SPON2: variants seen among roughly 807,000 people sequenced by gnomAD.
SPON2 encodes spondin-2.
A neutral mutation model predicts 29.9 loss-of-function variants in SPON2; 32 were observed. That is an observed-to-expected ratio of 1.07 (90% CI 0.81 to 1.44). The LOEUF (loss-of-function observed/expected upper bound fraction) is 1.44. Ranked by LOEUF, SPON2 falls within the 40% of genes most tolerant of loss-of-function variation. SPON2 has a pLI of 0.00. For synonymous variants in SPON2, 248 were observed against 209.1 expected (o/e 1.19, Z -1.61); for missense variants, 541 against 455.5 (o/e 1.19, Z -1.71).
intron 1 of SPON2, among the ~76,000 whole-genome samples, chr4:1,194,145 G>A (rs965885516): frequency 3.5e-4 from 53 of 152,236 alleles, no homozygotes; most frequent in African/African-American, 1.2e-3. Flanking sequence ...AGCAGGCAGT[G>A]CCTATGGGGA....
At chr4:1,191,009 A>G (rs1347314980) in intron 1 of SPON2, among the ~76,000 whole-genome samples, 2 of 152,204 alleles carry the variant, frequency 1.3e-5, no homozygotes, top group Admixed American at 1.3e-4. Context: ...AATATTGTTA[A>G]GACAGCAATA....
At chr4:1,205,879 T>C (rs1728327880) in intron 1 of SPON2, among the ~76,000 whole-genome samples, 1 of 152,148 alleles carries the variant, frequency 6.6e-6, no homozygotes, top group Non-Finnish European at 1.5e-5. Flanking sequence ...GAGGGGCCTC[T>C]GAGACCTCCT....
At chr4:1,186,073 T>C (rs1478264262) in intron 1 of SPON2, among the ~76,000 whole-genome samples, 3 of 141,678 alleles carry the variant, frequency 2.1e-5, no homozygotes, top group Non-Finnish European at 4.8e-5. Context: ...TGAAACCCCA[T>C]CTCTACTAAA....
At chr4:1,193,405 G>C (rs1012651457) in intron 1 of SPON2, among the ~76,000 whole-genome samples, 1 of 133,360 alleles carries the variant, frequency 7.5e-6, no homozygotes, top group South Asian at 2.4e-4. Flanking sequence ...CCTCTCTCCA[G>C]AGCCCCCCCA....
chr4:1,208,191 C>T (rs1458708972), upstream of SPON2: 3 of 152,454 alleles, frequency 2.0e-5, no homozygotes, highest in East Asian at 3.9e-4. Context: ...TCCAGCTGGG[C>T]TCTGGCTGAG....
At chr4:1,192,232 C>T (rs911574478) in intron 1 of SPON2, among the ~76,000 whole-genome samples, 5 of 152,172 alleles carry the variant, frequency 3.3e-5, no homozygotes, top group Non-Finnish European at 5.9e-5. Flanking sequence ...AGAGATAATC[C>T]CTTTCCTCGT....
upstream of SPON2, chr4:1,197,145 G>GA (rs1307398086): frequency 1.3e-5 from 2 of 152,226 alleles, no homozygotes; most frequent in Non-Finnish European, 2.9e-5. Flanking sequence ...AGTGGCAACA[G>GA]AAAAATGCAG....
chr4:1,205,304 C>G (rs533396753), intron 1 of SPON2, among the ~76,000 whole-genome samples: 1 of 152,156 alleles, frequency 6.6e-6, no homozygotes, highest in Non-Finnish European at 1.5e-5. Flanking sequence ...CAGGAGGTGG[C>G]GCTGGCTGAG....
intron 5 of SPON2, 35 bp from the exon 6 acceptor site, chr4:1,167,691 T>C (rs528153307): frequency 1.9e-6 from 3 of 1,548,372 alleles, no homozygotes; most frequent in Non-Finnish European, 2.6e-6. Flanking sequence ...AGGTGAACGC[T>C]CGCGTGAAGA....
Position 1,167,552 on chromosome 4 carries a change from G to T in SPON2, c.916C>A (p.Arg306=). The T allele has an allele frequency of 6.2e-7, 1 of 1,613,610 alleles. No homozygotes were observed. The highest frequency in any genetic ancestry group is 8.5e-7 in the Non-Finnish European group (1 of 1,180,014). Residue 306 remains arginine (R), a synonymous_variant, in exon 6 of 6, where the codon CGG becomes AGG. Transcript: ENST00000290902. ...CTCCCGTTGTTGGCGGGCTGGACCC[G>T]GACGTAGCGAGTCCTGCTCTTGGTC... ...LGTKSRTRYV[R]VQPANNGSPC...
At chr4:1,195,718 C>T (rs1280548294), upstream of SPON2, among the ~76,000 whole-genome samples, 1 of 151,958 alleles carries the variant, frequency 6.6e-6, no homozygotes, top group Non-Finnish European at 1.5e-5. Context: ...AGACCCCCCA[C>T]CCCGGAGACC....
intron 1 of SPON2, among the ~76,000 whole-genome samples, chr4:1,183,240 C>CAA (rs71168813): frequency 0.018 from 2,306 of 128,834 alleles, 34 homozygotes; most frequent in African/African-American, 0.029. Context: ...GAAACTCCAT[C>CAA]AAAAAAAAAA....
chr4:1,176,659 TCA>T (rs751028395), upstream of SPON2, among the ~76,000 whole-genome samples: 4 of 152,078 alleles, frequency 2.6e-5, no homozygotes, highest in Non-Finnish European at 5.9e-5. Flanking sequence ...ACTAATTCAC[TCA>T]CACAGTACAT....
At chr4:1,182,677 T>C (rs1478041167) in intron 1 of SPON2, among the ~76,000 whole-genome samples, 1 of 152,162 alleles carries the variant, frequency 6.6e-6, no homozygotes. Flanking sequence ...GAAGAAATAA[T>C]AGTTTAAAAT....
rs1284348427 is a variant in SPON2, at chr4:1,171,393, G to T, written c.314C>A (p.Ala105Glu). The T allele has an allele frequency of 1.2e-6, 2 of 1,612,238 alleles. No individual in the cohort carries two copies. The highest frequency in any genetic ancestry group is 2.2e-5 in the East Asian group (1 of 44,860). The change falls in exon 3 of 6, where the codon GCG (alanine) becomes GAG (glutamate). Residue 105 changes from alanine (A) to glutamate (E), a missense_variant. Coordinates refer to ENST00000290902, the MANE Select transcript of SPON2 (RefSeq NM_012445.4). ...RDFAERGEAW[A>E]LMKEIEAAGE... is the part of the protein sequence containing the mutation. ...CGCCGCCTCGATCTCCTTCATCAGC[G>T]CCCAGGCCTCGCCGCGCTCCGCAAA...
At chr4:1,174,297 G>T (rs1490850910), upstream of SPON2, among the ~76,000 whole-genome samples, 3 of 151,982 alleles carry the variant, frequency 2.0e-5, no homozygotes, top group Non-Finnish European at 4.4e-5. Context: ...GACCAGCCTG[G>T]CCAACATGGT....
chr4:1,180,970 G>C (rs985144766), intron 1 of SPON2, among the ~76,000 whole-genome samples: 23 of 152,256 alleles, frequency 1.5e-4, no homozygotes, highest in African/African-American at 5.5e-4. Context: ...AAAATTATTT[G>C]ATGAAATAAT....
Position 1,171,164 on chromosome 4 carries a change from G to A in SPON2, c.471C>T (p.Pro157=), listed in dbSNP as rs1174010658. The A allele has an allele frequency of 1.3e-6, 2 of 1,549,262 alleles. No homozygotes were observed. Among genetic ancestry groups the A allele is most frequent in the African/African-American group, 2.7e-5 (2 of 73,040 alleles). ...SLVSFVVRIV[P]SPDWFVGVDS... Reference sequence around the variant, plus strand: ...CCACGCCCACGAACCAGTCGGGGCTGGGCACGATGCGCACCACAAACGAGA... The same window carrying A: ...CCACGCCCACGAACCAGTCGGGGCTAGGCACGATGCGCACCACAAACGAGA... Residue 157 remains proline, a synonymous_variant, in exon 4 of 6, where the codon CCC becomes CCT. Coordinates refer to ENST00000290902, the MANE Select transcript of SPON2 (RefSeq NM_012445.4).
chr4:1,171,937 G>A lies in SPON2; in HGVS notation c.135C>T (p.Ile45=). 2 of 1,612,924 alleles carry A rather than the reference G, an allele frequency of 1.2e-6. No homozygotes were observed. Among genetic ancestry groups the A allele is most frequent in the Non-Finnish European group, 1.7e-6 (2 of 1,179,852 alleles). The change falls in exon 2 of 6, where the codon ATC becomes ATT. Residue 45 remains isoleucine (I), a synonymous_variant. Coordinates refer to ENST00000290902, the MANE Select transcript of SPON2 (RefSeq NM_012445.4). ...TCTGGCTCCACTTGCCCGTGAAGGTGATGCTGTATTTGGCCAGGGCTCTGG... is the reference window on the plus strand; with the variant it reads ...TCTGGCTCCACTTGCCCGTGAAGGTAATGCTGTATTTGGCCAGGGCTCTGG... ...CSARALAKYS[I]TFTGKWSQTA...
Sources: gnomAD v4.1 joint callset for allele counts (sites outside exome capture counted in the v4.1 genomes callset) on GRCh38, gnomAD v4.1.1 for gene constraint, MANE v1.5 for transcripts, NCBI Gene and HGNC (gene_info 2026-07-23, HGNC 2026-07-21) for gene names.